The following CYP46A1 variants were observed in gnomAD, a reference collection of about 807,000 sequenced individuals.
CYP46A1 encodes the protein cytochrome P450 family 46 subfamily A member 1.
Under a neutral mutation model 63.3 loss-of-function variants are expected in CYP46A1, and 20 were observed. The ratio of observed to expected loss-of-function variants is 0.32; its 90% CI spans 0.22 to 0.46. The LOEUF (loss-of-function observed/expected upper bound fraction) is 0.46, where lower values mean the gene tolerates loss of function less well. CYP46A1 is among the 20% of genes least tolerant of loss of function. The probability of loss-of-function intolerance (pLI) is 1.00; values close to 1 mark genes in which losing one functional copy is unlikely to be tolerated. For missense variants in CYP46A1, 445 were observed against 670.8 expected (o/e 0.66, Z 3.72); for synonymous variants, 268 against 273.6 (o/e 0.98, Z 0.20).
chr14:99,703,210 A>C (rs1489161334), intron 5 of CYP46A1, among the ~76,000 whole-genome samples: 1 of 152,194 alleles, frequency 6.6e-6, no homozygotes, highest in East Asian at 1.9e-4. Context: ...TTAAGTTTGC[A>C]CAGTGGTTGA....
chr14:99,721,832 C>A, intron 11 of CYP46A1, 124 bp from the exon 12 acceptor site: 1 of 678,432 alleles, frequency 1.5e-6, no homozygotes, highest in Non-Finnish European at 2.5e-6. Context: ...GGGACCCAGG[C>A]CAGGGTGAGG....
At chr14:99,707,000 G>A (rs1490682269) in intron 6 of CYP46A1, among the ~76,000 whole-genome samples, 1 of 152,172 alleles carries the variant, frequency 6.6e-6, no homozygotes, top group Non-Finnish European at 1.5e-5. Flanking sequence ...CTTGAGCAAG[G>A]GACAGGTGCA....
intron 7 of CYP46A1, 27 bp downstream of exon 7, chr14:99,707,705 A>G (rs1293466952): frequency 1.3e-6 from 2 of 1,587,808 alleles, no homozygotes; most frequent in African/African-American, 2.7e-5. Flanking sequence ...CCCTCTGGTG[A>G]CCAGCCACCA....
chr14:99,702,041 G>C (rs1373339623), intron 5 of CYP46A1, among the ~76,000 whole-genome samples: 1 of 136,050 alleles, frequency 7.4e-6, no homozygotes. Flanking sequence ...CTGCACTCCA[G>C]CCTGGGTGAC....
rs541243334 is a variant in CYP46A1, at chr14:99,685,034, A to T, written c.119+498A>T. Among the ~76,000 whole-genome samples the T allele has an allele frequency of 4.7e-5, 7 of 148,362 alleles. No homozygotes were observed. The East Asian group carries it at 1.4e-3, about 30-fold the overall frequency. ...CATTTGTCTTCTCCTTAGTACTTAC[A>T]ATTGCATTCTTGGTCCCCACCCCCA... is the stretch of plus-strand genomic sequence containing the variant. On this transcript the variant is annotated intron_variant, in intron 1 of 14. Coordinates refer to ENST00000261835, the MANE Select transcript of CYP46A1 (RefSeq NM_006668.2).
chr14:99,726,488 G>A (rs1463624926), intron 14 of CYP46A1, 69 bp from the exon 15 acceptor site: 2 of 1,407,692 alleles, frequency 1.4e-6, no homozygotes, highest in Non-Finnish European at 1.9e-6. Context: ...TGTGACATTT[G>A]CTGCTCATTC....
chr14:99,684,892 G>A, intron 1 of CYP46A1: 1 of 372,814 alleles, frequency 2.7e-6, no homozygotes, highest in Non-Finnish European at 5.4e-6. Flanking sequence ...GCCCAGGTCA[G>A]CCTGCCTCCA....
intron 1 of CYP46A1, 42 bp downstream of exon 1, chr14:99,684,578 C>CTGGGGGCCTGGGGACAGCG (rs2056473132): frequency 7.2e-7 from 1 of 1,390,376 alleles, no homozygotes; most frequent in Admixed American, 2.5e-5. Context: ...GGTGCTGGGA[C>CTGGGGGCCTGGGGACAGCG]TGGGGGCCTG....
At chr14:99,718,186 C>A (rs544111554) in intron 10 of CYP46A1, 60 bp downstream of exon 10, 2 of 1,377,434 alleles carry the variant, frequency 1.5e-6, no homozygotes, top group East Asian at 2.3e-5. Context: ...TTCCTGAGGG[C>A]CACCTGCCCC....
At chr14:99,695,258 GT>G (rs1448644590) in intron 3 of CYP46A1, among the ~76,000 whole-genome samples, 1 of 152,190 alleles carries the variant, frequency 6.6e-6, no homozygotes, top group East Asian at 1.9e-4. Context: ...AAGAGTGTAT[GT>G]TGTGTTATTG....
intron 7 of CYP46A1, among the ~76,000 whole-genome samples, chr14:99,714,047 C>A (rs1331769505): frequency 3.3e-5 from 5 of 151,962 alleles, no homozygotes; most frequent in Admixed American, 6.6e-5. Flanking sequence ...AAAAGAAAAG[C>A]AAATAATTCC....
At chr14:99,692,521 A>G (rs1054326468) in intron 3 of CYP46A1, among the ~76,000 whole-genome samples, 3 of 146,238 alleles carry the variant, frequency 2.1e-5, no homozygotes, top group Non-Finnish European at 4.5e-5. Flanking sequence ...CCTGGGTGAC[A>G]AGAGTGAAAC....
At position 99,711,803 on chromosome 14, in the gene CYP46A1, CACAA is replaced by C. The variant is rs528677211; in HGVS notation, c.694-4003_694-4000del. 7 of 152,200 alleles carry C rather than the reference CACAA, an allele frequency of 4.6e-5. No individual in the cohort carries two copies. The South Asian group carries it at 1.5e-3, about 32-fold the overall frequency. 9.4% of individuals were successfully genotyped at this position (152,200 alleles called of 1,614,324 possible). A position where few individuals can be genotyped will look rare whatever the true frequency, so the allele number is the denominator to read the frequency against. On this transcript the variant is annotated intron_variant, in intron 7 of 14. Transcript: ENST00000261835. ...GGCCAGCACTACCCTACCCTGATAC[CACAA>C]ACAGACAAGGACACAATAAAAAAAG...
chr14:99,726,138 C>A, intron 13 of CYP46A1, 52 bp from the exon 14 acceptor site: 1 of 1,517,948 alleles, frequency 6.6e-7, no homozygotes, highest in Non-Finnish European at 9.1e-7. Flanking sequence ...TATGTTGTTC[C>A]TGTGGGGACG....
chr14:99,710,536 T>TA (rs2056719954), intron 7 of CYP46A1: 1 of 152,126 alleles, frequency 6.6e-6, no homozygotes, highest in South Asian at 2.1e-4. Context: ...GCTATAATTA[T>TA]ATCAAATAAA....
chr14:99,706,400 G>C, intron 5 of CYP46A1: 1 of 469,988 alleles, frequency 2.1e-6, no homozygotes, highest in Non-Finnish European at 3.9e-6. Context: ...AGTACCTGTG[G>C]AACTGTTAGG....
chr14:99,713,170 C>T (rs2056750515), intron 7 of CYP46A1: 2 of 152,224 alleles, frequency 1.3e-5, no homozygotes, highest in East Asian at 3.8e-4. Flanking sequence ...GTAGCTCACG[C>T]CTGTAATACC....
intron 12 of CYP46A1, among the ~76,000 whole-genome samples, chr14:99,723,364 A>G (rs2056866778): frequency 6.6e-6 from 1 of 152,204 alleles, no homozygotes; most frequent in South Asian, 2.1e-4. Context: ...GCTGGAGTGC[A>G]GTGGCGCCAT....
At chr14:99,721,135 A>G (rs1163336260) in intron 10 of CYP46A1, 104 bp from the exon 11 acceptor site, 4 of 783,648 alleles carry the variant, frequency 5.1e-6, no homozygotes, top group Non-Finnish European at 9.1e-6. Flanking sequence ...GGGGAGCCCC[A>G]TGCGTCTCTC....
Sources: allele counts gnomAD v4.1 joint callset (sites outside exome capture counted in the v4.1 genomes callset), GRCh38; gene constraint gnomAD v4.1.1; transcripts MANE v1.5; gene names NCBI Gene and HGNC (gene_info 2026-07-23, HGNC 2026-07-21).